Variants in SPATA31D1 observed in about 807,000 individuals in gnomAD.
The protein encoded by SPATA31D1 is spermatogenesis-associated protein 31D1.
SPATA31D1 carries 6 observed loss-of-function variants against 13.2 expected under a neutral mutation model. The observed-to-expected ratio is 0.46, with a 90% CI of 0.25 to 0.90. SPATA31D1 has a LOEUF of 0.90. Among genes scored for constraint, SPATA31D1 ranks in the 40% least tolerant of loss-of-function variants. SPATA31D1 has a pLI of 0.18. For synonymous variants in SPATA31D1, 903 were observed against 718.8 expected (o/e 1.26, Z -4.10); for missense variants, 2,445 against 1,884.7 (o/e 1.30, Z -5.50).
In SPATA31D1 at chr9:81,991,495, C is replaced by G. The variant is rs374887411; in HGVS notation, c.1025C>G (p.Thr342Arg). The G allele has an allele frequency of 2.5e-6, 4 of 1,614,020 alleles. No homozygotes were observed. In the African/African-American group the frequency reaches 5.3e-5, roughly 22 times the overall value. Residue 342 changes from threonine to arginine, a missense_variant, in exon 4 of 4, where the codon ACA becomes AGA. By Grantham distance (71) the Thr-to-Arg change is moderately conservative. Coordinates refer to ENST00000344803, the MANE Select transcript of SPATA31D1 (RefSeq NM_001001670.3). ...GSGGSSTSAP[T>R]IKGIDHSHLA... ...GGTGGGTCATCCACCTCTGCCCCAA[C>G]AATCAAAGGCATTGACCATTCACAC... is the stretch of plus-strand genomic sequence containing the variant.
In SPATA31D1 at chr9:81,992,479, T is replaced by C. The variant is rs754105524; in HGVS notation, c.2009T>C (p.Ile670Thr). 4 of 1,612,078 alleles carry C rather than the reference T, an allele frequency of 2.5e-6. No individual in the cohort carries two copies. The highest frequency in any genetic ancestry group is 2.5e-6 in the Non-Finnish European group (3 of 1,179,728). The change falls in exon 4 of 4, where the codon ATC becomes ACC. Residue 670 changes from isoleucine to threonine, a missense_variant. By Grantham distance (89) the Ile-to-Thr change is moderately conservative. Coordinates refer to ENST00000344803, the MANE Select transcript of SPATA31D1 (RefSeq NM_001001670.3). ...AAGTCCTTCAAGGTCCATGTTCCGA[T>C]CTCCATCATTCCTGGAGATTTTCCA... ...VRKSFKVHVP[I>T]SIIPGDFPLS...
chr9:81,993,268 C>A lies in SPATA31D1; in HGVS notation c.2798C>A (p.Ala933Glu), dbSNP rs776906027. The A allele has an allele frequency of 6.2e-7, 1 of 1,613,990 alleles. No homozygotes were observed. Among genetic ancestry groups the A allele is most frequent in the East Asian group, 2.2e-5 (1 of 44,868 alleles). Residue 933 changes from alanine to glutamate, a missense_variant, in exon 4 of 4, where the codon GCG becomes GAG. Ala to Glu is a moderately radical substitution (Grantham distance 107). Transcript: ENST00000344803. The part of the protein sequence containing the change: ...LESIEIFKSK[A>E]DLSTSFSHFD... ...TCCATAGAAATCTTCAAATCGAAAG[C>A]GGACCTTTCCACTTCCTTTTCCCAT...
rs759821606 is a variant in SPATA31D1, at chr9:81,992,025, G to A, written c.1555G>A (p.Val519Ile). The A allele has an allele frequency of 4.3e-6, 7 of 1,613,628 alleles. No individual in the cohort carries two copies. The highest frequency in any genetic ancestry group is 2.7e-5 in the African/African-American group (2 of 74,894). The change falls in exon 4 of 4, where the codon GTT (valine) becomes ATT (isoleucine). Residue 519 changes from valine to isoleucine, a missense_variant. Transcript: ENST00000344803. ...SLHSESLHPT[V>I]LVQRGHSSMF... is the part of the protein sequence containing the mutation. ...GCACAGCGAGTCTCTGCATCCTACT[G>A]TTCTTGTCCAACGTGGCCATTCCTC... is the stretch of plus-strand genomic sequence containing the variant.
Position 81,993,041 on chromosome 9 carries a change from C to T in SPATA31D1, c.2571C>T (p.Val857=). 2 of 1,613,774 alleles carry T rather than the reference C, an allele frequency of 1.2e-6. No individual in the cohort carries two copies. Among genetic ancestry groups the T allele is most frequent in the South Asian group, 2.2e-5 (2 of 91,074 alleles). The change falls in exon 4 of 4, where the codon GTC becomes GTT. Residue 857 remains valine (V), a synonymous_variant. Transcript: ENST00000344803. ...CTGTGCATAGTTCATGGCACTCAGT[C>T]AAGCAGACAATGTCTCTTCCTGAGA... is the stretch of plus-strand genomic sequence containing the variant. ...PGTVHSSWHS[V]KQTMSLPEKS...
upstream of SPATA31D1, chr9:81,988,703 G>C (rs774823599): frequency 4.3e-5 from 65 of 1,525,558 alleles, no homozygotes; most frequent in African/African-American, 5.5e-5. Flanking sequence ...GTTGCTCCCT[G>C]CACCCTTAGA....
chr9:81,992,766 A>C lies in SPATA31D1; in HGVS notation c.2296A>C (p.Met766Leu). Reference sequence around the variant, plus strand: ...CGAGAGGAGCTCAAATATGCTTTCCATGGAGAATGTGGGGAATTATCAGGG... The same window carrying C: ...CGAGAGGAGCTCAAATATGCTTTCCCTGGAGAATGTGGGGAATTATCAGGG... ...FHERSSNMLS[M>L]ENVGNYQGYS... The change falls in exon 4 of 4, where the codon ATG (methionine) becomes CTG (leucine). Residue 766 changes from methionine (M) to leucine (L), a missense_variant. Coordinates refer to ENST00000344803, the MANE Select transcript of SPATA31D1 (RefSeq NM_001001670.3). 1.2e-6 allele frequency: 2 copies of C among 1,613,810 alleles called. No homozygotes were observed. The highest frequency in any genetic ancestry group is 3.3e-4 in the Middle Eastern group (2 of 6,056).
Position 81,991,256 on chromosome 9 carries a change from T to G in SPATA31D1, c.786T>G (p.Pro262=). Residue 262 remains proline (P), a synonymous_variant, in exon 4 of 4, where the codon CCT becomes CCG. Coordinates refer to ENST00000344803, the MANE Select transcript of SPATA31D1 (RefSeq NM_001001670.3). ...AGAGAGTGGAGTCCAGCCTCCAACC[T>G]GAAGCCAGTTTGTCTCTGAACACCA... ...HIERVESSLQ[P]EASLSLNTIF... The G allele has an allele frequency of 6.2e-7, 1 of 1,614,020 alleles. No homozygotes were observed. Among genetic ancestry groups the G allele is most frequent in the Non-Finnish European group, 8.5e-7 (1 of 1,179,886 alleles).
At chr9:81,989,746 C>A in intron 1 of SPATA31D1, 32 bp from the exon 2 acceptor site, 1 of 1,612,508 alleles carries the variant, frequency 6.2e-7, no homozygotes, top group Non-Finnish European at 8.5e-7. Context: ...GAAGTGAGTC[C>A]CAGCCTGTCA....
Position 81,992,484 on chromosome 9 carries a change from A to G in SPATA31D1, c.2014A>G (p.Ile672Val), listed in dbSNP as rs762149951. 39 of 1,611,944 alleles carry G rather than the reference A, an allele frequency of 2.4e-5. No individual in the cohort carries two copies. In the Admixed American group the frequency reaches 6.2e-4, roughly 25 times the overall value. ...KSFKVHVPIS[I>V]IPGDFPLSSE... The stretch of plus-strand genomic sequence containing the variant: ...CTTCAAGGTCCATGTTCCGATCTCC[A>G]TCATTCCTGGAGATTTTCCACTCAG... The change falls in exon 4 of 4, where the codon ATC (isoleucine) becomes GTC (valine). Residue 672 changes from isoleucine to valine, a missense_variant. Transcript: ENST00000344803.
At chr9:81,989,708 GAATGAAT>G in intron 1 of SPATA31D1, 63 bp from the exon 2 acceptor site, 1 of 1,489,788 alleles carries the variant, frequency 6.7e-7, no homozygotes, top group African/African-American at 1.4e-5. Flanking sequence ...ATGAATGAAT[GAATGAAT>G]GAGCTTCATA....
Position 81,993,676 on chromosome 9 carries a change from C to T in SPATA31D1, c.3206C>T (p.Ser1069Phe). Residue 1069 changes from serine (S) to phenylalanine (F), a missense_variant, in exon 4 of 4, where the codon TCT (serine) becomes TTT (phenylalanine). Ser to Phe is a radical substitution (Grantham distance 155, BLOSUM62 -2). Transcript: ENST00000344803. Reference protein sequence around the residue: ...EKQGTLRREFSDTDNDLTESV... With the variant: ...EKQGTLRREFFDTDNDLTESV... ...CAGGGGACCCTGAGAAGAGAATTCT[C>T]TGATACTGACAATGATCTTACAGAA... 6.2e-6 allele frequency: 10 copies of T among 1,614,024 alleles called. No individual in the cohort carries two copies. Among genetic ancestry groups the T allele is most frequent in the Non-Finnish European group, 8.5e-6 (10 of 1,179,906 alleles).
Position 81,992,728 on chromosome 9 carries a change from C to G in SPATA31D1, c.2258C>G (p.Pro753Arg), listed in dbSNP as rs781480536. 2 of 1,613,782 alleles carry G rather than the reference C, an allele frequency of 1.2e-6. No homozygotes were observed. Among genetic ancestry groups the G allele is most frequent in the Admixed American group, 1.7e-5 (1 of 60,018 alleles). The change falls in exon 4 of 4, where the codon CCT becomes CGT. Residue 753 changes from proline to arginine, a missense_variant. By Grantham distance (103) the Pro-to-Arg change is moderately radical. Transcript: ENST00000344803. The part of the protein sequence containing the change: ...NVLKKSASSF[P>R]RSFHERSSNM... The stretch of plus-strand genomic sequence containing the variant: ...CTAAAGAAGTCCGCATCAAGCTTCC[C>G]TAGAAGCTTCCACGAGAGGAGCTCA...
rs745958488 is a variant in SPATA31D1 at position 81,992,106 on chromosome 9, G to C, written c.1636G>C (p.Val546Leu). 27 of 1,613,470 alleles carry C rather than the reference G, an allele frequency of 1.7e-5. No individual in the cohort carries two copies. The highest frequency in any genetic ancestry group is 1.0e-4 in the Admixed American group (6 of 59,972). The change falls in exon 4 of 4, where the codon GTA (valine) becomes CTA (leucine). Residue 546 changes from valine (V) to leucine (L), a missense_variant. Transcript: ENST00000344803. ...TACATCTATATCCCATGAATCCCCA[G>C]TACTTCCCCCTCCCCAACCTCTGTC... ...TNTSISHESPVLPPPQPLSLP... is the reference protein window; with the variant it reads ...TNTSISHESPLLPPPQPLSLP...
chr9:81,990,612 A>G (rs1824932778), intron 3 of SPATA31D1, 126 bp downstream of exon 3: 1 of 1,299,974 alleles, frequency 7.7e-7, no homozygotes. Context: ...AGGAATGGGT[A>G]TGTGAATGAA....
chr9:81,992,134 T>G lies in SPATA31D1; in HGVS notation c.1664T>G (p.Leu555Trp), dbSNP rs759122372. ...CTTCCCCCTCCCCAACCTCTGTCCT[T>G]GCCTAGTACCCAACCACTACCCTTG... is the stretch of plus-strand genomic sequence containing the variant. ...PVLPPPQPLS[L>W]PSTQPLPLPQ... Residue 555 changes from leucine (L) to tryptophan (W), a missense_variant, in exon 4 of 4, where the codon TTG becomes TGG. Leu to Trp is a moderately conservative substitution (Grantham distance 61). Transcript: ENST00000344803. 1.7e-5 allele frequency: 28 copies of G among 1,613,592 alleles called. No individual in the cohort carries two copies. The highest frequency in any genetic ancestry group is 4.0e-5 in the African/African-American group (3 of 74,898).
rs376247188 is a variant in SPATA31D1 at position 81,992,012 on chromosome 9, T to C, written c.1542T>C (p.Ser514=). ...GTCTCCCATCTTTGCACAGCGAGTCTCTGCATCCTACTGTTCTTGTCCAAC... is the reference window on the plus strand; with the variant it reads ...GTCTCCCATCTTTGCACAGCGAGTCCCTGCATCCTACTGTTCTTGTCCAAC... The part of the protein sequence containing the change: ...FWGLPSLHSE[S]LHPTVLVQRG... Residue 514 remains serine, a synonymous_variant, in exon 4 of 4, where the codon TCT becomes TCC. Transcript: ENST00000344803. 48 of 1,613,676 alleles carry C rather than the reference T, an allele frequency of 3.0e-5. No homozygotes were observed. Among genetic ancestry groups the C allele is most frequent in the Non-Finnish European group, 3.9e-5 (46 of 1,179,730 alleles).
At chr9:81,988,644 A>G (rs1156714090), upstream of SPATA31D1, 3 of 941,306 alleles carry the variant, frequency 3.2e-6, no homozygotes, top group Non-Finnish European at 4.7e-6. Flanking sequence ...AGGGCCCAGG[A>G]GAGTCAGCTG....
In SPATA31D1 at chr9:81,992,185, C is replaced by A; in HGVS notation, c.1715C>A (p.Ser572Tyr). 2 of 1,613,762 alleles carry A rather than the reference C, an allele frequency of 1.2e-6. No homozygotes were observed. Among genetic ancestry groups the A allele is most frequent in the Non-Finnish European group, 1.7e-6 (2 of 1,179,706 alleles). ...CCTCAAACCCTGCCCCAAGGTCAGT[C>A]CCCACATCTCACTCAGGTGAAGTCC... ...PLPQTLPQGQ[S>Y]PHLTQVKSLA... Residue 572 changes from serine to tyrosine, a missense_variant, in exon 4 of 4, where the codon TCC (serine) becomes TAC (tyrosine). By Grantham distance (144) the Ser-to-Tyr change is moderately radical. Coordinates refer to ENST00000344803, the MANE Select transcript of SPATA31D1 (RefSeq NM_001001670.3).
chr9:81,992,676 T>G lies in SPATA31D1; in HGVS notation c.2206T>G (p.Leu736Val). Residue 736 changes from leucine (L) to valine (V), a missense_variant, in exon 4 of 4, where the codon TTG (leucine) becomes GTG (valine). Coordinates refer to ENST00000344803, the MANE Select transcript of SPATA31D1 (RefSeq NM_001001670.3). ...AATTCATGGACCGTTAAATATCTCT[T>G]TGGTTGAGGGTCAGAGGTGCAATGT... is the stretch of plus-strand genomic sequence containing the variant. ...ERIHGPLNIS[L>V]VEGQRCNVLK... 6.2e-7 allele frequency: 1 copy of G among 1,613,748 alleles called. No individual in the cohort carries two copies. Among genetic ancestry groups the G allele is most frequent in the Non-Finnish European group, 8.5e-7 (1 of 1,179,724 alleles).
Sources: allele counts gnomAD v4.1 joint callset, GRCh38; gene constraint gnomAD v4.1.1; transcripts MANE v1.5; gene names NCBI Gene and HGNC (gene_info 2026-07-23, HGNC 2026-07-21).